SAMD12: variants seen among roughly 807,000 people sequenced by gnomAD.
SAMD12 encodes sterile alpha motif domain-containing protein 12.
SAMD12 carries 9 observed loss-of-function variants against 15.0 expected under a neutral mutation model. The observed-to-expected ratio is 0.60, with a 90% CI of 0.36 to 1.05. The LOEUF (loss-of-function observed/expected upper bound fraction) is 1.05. Among genes scored for constraint, SAMD12 ranks in the 50% least tolerant of loss-of-function variants. The probability of loss-of-function intolerance (pLI) is 0.01; values close to 1 mark genes in which losing one functional copy is unlikely to be tolerated. For synonymous variants in SAMD12, 86 were observed against 90.1 expected (o/e 0.96, Z 0.25); for missense variants, 230 against 234.2 (o/e 0.98, Z 0.12).
At chr8:118,304,676 C>A (rs1055895632) in intron 4 of SAMD12, among the ~76,000 whole-genome samples, 6 of 151,598 alleles carry the variant, frequency 4.0e-5, no homozygotes, top group Admixed American at 1.3e-4. Flanking sequence ...AGGGGAATGG[C>A]GTGAACCCGG....
At chr8:118,524,540 T>C (rs1476202956) in intron 2 of SAMD12, among the ~76,000 whole-genome samples, 1 of 152,096 alleles carries the variant, frequency 6.6e-6, no homozygotes, top group Non-Finnish European at 1.5e-5. Context: ...TTAAATACCA[T>C]TCATATGCCA....
chr8:118,186,097 A>G (rs1234110211), downstream of SAMD12, among the ~76,000 whole-genome samples: 1 of 152,148 alleles, frequency 6.6e-6, no homozygotes, highest in African/African-American at 2.4e-5. Context: ...GTGTATGATT[A>G]TTTCTTGCAA....
At chr8:118,177,827 C>T in the SAMD12 span, among the ~76,000 whole-genome samples, 1 of 152,188 alleles carries the variant, frequency 6.6e-6, no homozygotes, top group African/African-American at 2.4e-5. Flanking sequence ...ATTCTCTGTG[C>T]CATGTGGAGA....
At chr8:118,295,450 A>T (rs1456683752) in intron 4 of SAMD12, among the ~76,000 whole-genome samples, 1 of 152,200 alleles carries the variant, frequency 6.6e-6, no homozygotes, top group Non-Finnish European at 1.5e-5. Flanking sequence ...CAAACTGCAC[A>T]TTCAAATCTG....
At chr8:118,608,540 GTA>G (rs1828034257) in intron 1 of SAMD12, among the ~76,000 whole-genome samples, 19 of 152,164 alleles carry the variant, frequency 1.2e-4, no homozygotes, top group African/African-American at 4.6e-4. Flanking sequence ...GTCTCACTCT[GTA>G]GCCCAGGCCA....
intron 2 of SAMD12, among the ~76,000 whole-genome samples, chr8:118,445,000 C>T (rs780426551): frequency 5.3e-5 from 8 of 152,104 alleles, no homozygotes; most frequent in African/African-American, 1.4e-4. Flanking sequence ...TTTCAGAAAG[C>T]GGTTTAGTAT....
intron 1 of SAMD12, among the ~76,000 whole-genome samples, chr8:118,615,651 TTGTAA>T (rs1828221479): frequency 6.6e-6 from 1 of 152,196 alleles, no homozygotes; most frequent in Non-Finnish European, 1.5e-5. Context: ...CCCCCTACCC[TTGTAA>T]TATGTCACCA....
intron 2 of SAMD12, among the ~76,000 whole-genome samples, chr8:118,466,047 T>C (rs2130949928): frequency 6.6e-6 from 1 of 152,294 alleles, no homozygotes; most frequent in East Asian, 1.9e-4. Flanking sequence ...ATATTCTCCA[T>C]CTCACATCTC....
chr8:118,572,369 A>G (rs1777983258), intron 2 of SAMD12, among the ~76,000 whole-genome samples: 1 of 152,198 alleles, frequency 6.6e-6, no homozygotes, highest in Non-Finnish European at 1.5e-5. Context: ...GAATGAGTTA[A>G]GACTATGTGG....
At chr8:118,310,440 T>C (rs1445925288) in intron 4 of SAMD12, among the ~76,000 whole-genome samples, 2 of 152,224 alleles carry the variant, frequency 1.3e-5, no homozygotes, top group Non-Finnish European at 2.9e-5. Flanking sequence ...TTGTCTTTTT[T>C]GAGATTTGGA....
intron 4 of SAMD12, among the ~76,000 whole-genome samples, chr8:118,255,068 C>A (rs538462728): frequency 8.6e-5 from 13 of 152,022 alleles, no homozygotes; most frequent in Non-Finnish European, 1.6e-4. Context: ...AATAAGCTCA[C>A]AGAATCACTT....
chr8:118,356,653 C>T (rs951877247), intron 4 of SAMD12, among the ~76,000 whole-genome samples: 1 of 152,178 alleles, frequency 6.6e-6, no homozygotes, highest in Non-Finnish European at 1.5e-5. Context: ...AATGATTGCT[C>T]GGTTTCTATT....
intron 4 of SAMD12, among the ~76,000 whole-genome samples, chr8:118,231,116 T>C (rs1161542044): frequency 1.3e-5 from 2 of 152,160 alleles, no homozygotes; most frequent in East Asian, 1.9e-4. Flanking sequence ...TGAGTTGTTA[T>C]GGGGAATAAG....
intron 4 of SAMD12, among the ~76,000 whole-genome samples, chr8:118,321,459 C>T (rs1816280047): frequency 6.6e-6 from 1 of 151,502 alleles, no homozygotes; most frequent in Non-Finnish European, 1.5e-5. Context: ...CCTAAAAATA[C>T]AAAAATTAGC....
At chr8:118,326,698 CAT>C (rs1268098198) in intron 4 of SAMD12, among the ~76,000 whole-genome samples, 1 of 152,152 alleles carries the variant, frequency 6.6e-6, no homozygotes, top group Non-Finnish European at 1.5e-5. Flanking sequence ...GCAGGACCCA[CAT>C]ATGTTTTCCT....
chr8:118,303,401 A>AG (rs879688899), intron 4 of SAMD12, among the ~76,000 whole-genome samples: 95 of 152,348 alleles, frequency 6.2e-4, no homozygotes, highest in Admixed American at 1.4e-3. Flanking sequence ...CAGTTCTGGA[A>AG]TGGAATCCTG....
intron 2 of SAMD12, among the ~76,000 whole-genome samples, chr8:118,462,893 G>A (rs1013940765): frequency 1.3e-5 from 2 of 151,986 alleles, no homozygotes; most frequent in African/African-American, 4.8e-5. Context: ...ACGAGGTCAG[G>A]AGATCGAGAC....
At chr8:118,454,766 T>C (rs1823195800) in intron 2 of SAMD12, among the ~76,000 whole-genome samples, 1 of 152,186 alleles carries the variant, frequency 6.6e-6, no homozygotes. Context: ...ACTGGGACTC[T>C]GCACCCATTA....
At chr8:118,535,928 C>G (rs557265841) in intron 2 of SAMD12, among the ~76,000 whole-genome samples, 108 of 152,244 alleles carry the variant, frequency 7.1e-4, no homozygotes, top group Non-Finnish European at 1.3e-3. Context: ...TGCTTCAGCT[C>G]ATGGTCTGTG....
Sources: allele counts gnomAD v4.1 joint callset (sites outside exome capture counted in the v4.1 genomes callset), GRCh38; gene constraint gnomAD v4.1.1; transcripts MANE v1.5; gene names NCBI Gene and HGNC (gene_info 2026-07-23, HGNC 2026-07-21).